LY96: variants seen among roughly 807,000 people sequenced by gnomAD.
LY96 encodes lymphocyte antigen 96, also known as myeloid differentiation protein-2.
A neutral mutation model predicts 18.9 loss-of-function variants in LY96; 18 were observed. The ratio of observed to expected loss-of-function variants is 0.95; its 90% CI spans 0.66 to 1.41. The LOEUF (loss-of-function observed/expected upper bound fraction) is 1.41. Among genes scored for constraint, LY96 ranks in the 40% most tolerant of loss-of-function variants. LY96 has a pLI of 0.00. For missense variants in LY96, 175 were observed against 182.4 expected (o/e 0.96, Z 0.23); for synonymous variants, 66 against 62.6 (o/e 1.06, Z -0.26).
At chr8:74,014,109 G>T (rs1390471539) in intron 3 of LY96, among the ~76,000 whole-genome samples, 1 of 151,918 alleles carries the variant, frequency 6.6e-6, no homozygotes. Context: ...GAATAGGCAG[G>T]ATACACTGAT....
At chr8:74,025,515 C>T (rs1221464245) in intron 3 of LY96, among the ~76,000 whole-genome samples, 2 of 151,538 alleles carry the variant, frequency 1.3e-5, no homozygotes, top group African/African-American at 2.4e-5. Flanking sequence ...ATTCGCCAGG[C>T]GTAGTGGTGG....
the LY96 span, among the ~76,000 whole-genome samples, chr8:74,051,833 T>G: frequency 1.3e-5 from 2 of 152,104 alleles, no homozygotes; most frequent in African/African-American, 2.4e-5. Context: ...TTGGGAGAAA[T>G]AAATGTTTGT....
chr8:74,052,610 T>C, the LY96 span: 2 of 152,450 alleles, frequency 1.3e-5, no homozygotes, highest in South Asian at 2.1e-4. Flanking sequence ...CTGGGGCCTG[T>C]TGGTGGCATG....
the LY96 span, among the ~76,000 whole-genome samples, chr8:74,087,613 A>G: frequency 1.3e-5 from 2 of 152,320 alleles, no homozygotes; most frequent in Middle Eastern, 3.4e-3. Flanking sequence ...AAAGGGCCTC[A>G]AACATGTCAC....
intron 1 of LY96, among the ~76,000 whole-genome samples, chr8:74,001,228 ATT>A (rs772619244): frequency 7.1e-6 from 1 of 140,524 alleles, no homozygotes. Flanking sequence ...AAAAAAAAAA[ATT>A]TTTTTTTTTT....
At chr8:74,002,006 T>TCTTC (rs1222416498) in intron 1 of LY96, among the ~76,000 whole-genome samples, 31 of 24,126 alleles carry the variant, frequency 1.3e-3, no homozygotes, top group South Asian at 2.7e-3. Context: ...TTTCTTCCTT[T>TCTTC]CTTCCTTCCT....
chr8:74,078,654 G>A, the LY96 span, among the ~76,000 whole-genome samples: 3 of 152,124 alleles, frequency 2.0e-5, no homozygotes, highest in African/African-American at 7.2e-5. Context: ...CACCCCTGGG[G>A]CAGCATATTC....
the LY96 span, among the ~76,000 whole-genome samples, chr8:74,045,563 C>T: frequency 6.6e-6 from 1 of 152,170 alleles, no homozygotes; most frequent in Non-Finnish European, 1.5e-5. Flanking sequence ...ACAGAAGACA[C>T]ATTTAAACTG....
At chr8:74,023,706 C>T (rs1158723991) in intron 3 of LY96, among the ~76,000 whole-genome samples, 1 of 152,138 alleles carries the variant, frequency 6.6e-6, no homozygotes, top group Non-Finnish European at 1.5e-5. Context: ...GTGTTAGTTT[C>T]CTCTGGCCAG....
the LY96 span, chr8:74,048,811 A>AAGAAAG: frequency 6.6e-6 from 1 of 151,736 alleles, no homozygotes; most frequent in Non-Finnish European, 1.5e-5. Context: ...AAAAGAAAAA[A>AAGAAAG]AGAGAGAGAG....
chr8:74,088,083 A>AAGAAAAGAAT, the LY96 span, among the ~76,000 whole-genome samples: 79 of 120,430 alleles, frequency 6.6e-4, no homozygotes, highest in Non-Finnish European at 1.1e-3. Context: ...TCACTGAGAG[A>AAGAAAAGAAT]AGAATAGAAT....
At chr8:74,014,532 G>T (rs1324009748) in intron 3 of LY96, among the ~76,000 whole-genome samples, 1 of 149,582 alleles carries the variant, frequency 6.7e-6, no homozygotes, top group Non-Finnish European at 1.5e-5. Context: ...TTCTGGCTTG[G>T]GCATGTTAAG....
the LY96 span, among the ~76,000 whole-genome samples, chr8:74,064,228 T>C: frequency 2.0e-5 from 3 of 152,134 alleles, no homozygotes; most frequent in Non-Finnish European, 2.9e-5. Flanking sequence ...AATTATGATA[T>C]AGTCATTCAA....
At chr8:74,078,031 C>G in the LY96 span, among the ~76,000 whole-genome samples, 1 of 151,500 alleles carries the variant, frequency 6.6e-6, no homozygotes, top group Non-Finnish European at 1.5e-5. Context: ...TTGCTTGAGC[C>G]GAGGAATTTG....
the LY96 span, among the ~76,000 whole-genome samples, chr8:74,041,963 G>T: frequency 6.6e-6 from 1 of 152,030 alleles, no homozygotes; most frequent in African/African-American, 2.4e-5. Context: ...AATAAAACTT[G>T]CTGGTTTTGC....
the LY96 span, among the ~76,000 whole-genome samples, chr8:74,093,870 C>T: frequency 1.3e-5 from 2 of 152,026 alleles, no homozygotes; most frequent in Non-Finnish European, 2.9e-5. Flanking sequence ...ATAAATGAAT[C>T]TTGGTGTATT....
the LY96 span, among the ~76,000 whole-genome samples, chr8:74,055,730 C>T: frequency 1.3e-5 from 2 of 152,184 alleles, no homozygotes; most frequent in Non-Finnish European, 2.9e-5. Flanking sequence ...GAGCAGAAGA[C>T]TTTTGCTGGC....
At chr8:74,005,732 G>T (rs941284873) in intron 2 of LY96, among the ~76,000 whole-genome samples, 1 of 152,174 alleles carries the variant, frequency 6.6e-6, no homozygotes, top group African/African-American at 2.4e-5. Flanking sequence ...TGGGGTGATA[G>T]CATGGGGCTG....
intron 1 of LY96, among the ~76,000 whole-genome samples, chr8:73,993,632 A>G (rs959066171): frequency 6.6e-5 from 10 of 152,112 alleles, no homozygotes; most frequent in African/African-American, 2.4e-4. Flanking sequence ...TAGTAGAGAC[A>G]GGGTTTTGCC....
Sources: allele counts gnomAD v4.1 joint callset (sites outside exome capture counted in the v4.1 genomes callset), GRCh38; gene constraint gnomAD v4.1.1; transcripts MANE v1.5; gene names NCBI Gene and HGNC (gene_info 2026-07-23, HGNC 2026-07-21).